The following COP1 variants were observed in gnomAD, a reference collection of about 807,000 sequenced individuals.
COP1 encodes E3 ubiquitin-protein ligase COP1.
In COP1, 24 loss-of-function variants were observed where a neutral mutation model predicts 101.3. The ratio of observed to expected loss-of-function variants is 0.24; its 90% CI spans 0.17 to 0.33. COP1 has a LOEUF of 0.33. COP1 is among the 10% of genes least tolerant of loss of function. COP1 has a pLI of 1.00. For missense variants in COP1, 663 were observed against 906.2 expected, an observed-to-expected ratio of 0.73 and a Z score of 3.45; for synonymous variants, 347 against 341.9, an observed-to-expected ratio of 1.01 and a Z score of -0.17.
intron 9 of COP1, among the ~76,000 whole-genome samples, chr1:176,093,590 A>C (rs1346320798): frequency 6.6e-6 from 1 of 152,190 alleles, no homozygotes; most frequent in Non-Finnish European, 1.5e-5. Context: ...CTGTAATCCC[A>C]GCACTTTGGG....
At chr1:175,965,940 C>G (rs566546824) in intron 18 of COP1, among the ~76,000 whole-genome samples, 1 of 152,102 alleles carries the variant, frequency 6.6e-6, no homozygotes, top group African/African-American at 2.4e-5. Flanking sequence ...TGTTTCTTTA[C>G]TTTATCCTAG....
intron 8 of COP1, among the ~76,000 whole-genome samples, chr1:176,130,237 C>A (rs1688671186): frequency 6.6e-6 from 1 of 151,604 alleles, no homozygotes; most frequent in South Asian, 2.1e-4. Context: ...TAAAAAATGT[C>A]TAAAATATTA....
intron 3 of COP1, among the ~76,000 whole-genome samples, chr1:176,165,923 T>G (rs924919089): frequency 6.6e-6 from 1 of 152,144 alleles, no homozygotes; most frequent in African/African-American, 2.4e-5. Context: ...AGTAAGTCAG[T>G]AAGAGGTCAG....
chr1:176,107,096 C>A (rs532837013), intron 9 of COP1, among the ~76,000 whole-genome samples: 2 of 152,132 alleles, frequency 1.3e-5, no homozygotes, highest in African/African-American at 4.8e-5. Context: ...TGTAATCACA[C>A]TGTTCCAGAA....
At chr1:176,040,662 A>G (rs1244418513) in intron 14 of COP1, among the ~76,000 whole-genome samples, 1 of 152,196 alleles carries the variant, frequency 6.6e-6, no homozygotes, top group Non-Finnish European at 1.5e-5. Flanking sequence ...TATAGTAGGA[A>G]TAAACAACTT....
chr1:175,979,306 T>C (rs1655267248), intron 18 of COP1, among the ~76,000 whole-genome samples: 1 of 152,130 alleles, frequency 6.6e-6, no homozygotes, highest in South Asian at 2.1e-4. Context: ...CTGGTATAAA[T>C]AAATTTTATT....
chr1:175,968,458 T>C (rs1330425289), intron 18 of COP1: 1 of 519,174 alleles, frequency 1.9e-6, no homozygotes, highest in Non-Finnish European at 3.8e-6. Flanking sequence ...GAGACCTCCA[T>C]ATATTTATGT....
At position 176,122,032 on chromosome 1, in the gene COP1, C is replaced by T. The variant is rs190606599; in HGVS notation, c.969-5351G>A. 8.7e-3 allele frequency among the ~76,000 whole-genome samples: 1,319 copies of T among 150,776 alleles called. 18 individuals carry two copies. The highest frequency in any genetic ancestry group is 0.031 in the African/African-American group (1,256 of 41,006). ...GCGGGCGCCTGTAGTCCCAGCTACT[C>T]AGGAGGCTGAGGCAGGAGAATGGTG... is the stretch of plus-strand genomic sequence containing the variant. On this transcript the variant is annotated intron_variant, in intron 8 of 19. Coordinates refer to ENST00000367669, the MANE Select transcript of COP1 (RefSeq NM_022457.7).
intron 8 of COP1, among the ~76,000 whole-genome samples, chr1:176,121,214 C>T (rs1046945812): frequency 6.6e-6 from 1 of 151,728 alleles, no homozygotes; most frequent in Non-Finnish European, 1.5e-5. Flanking sequence ...CCTGAAAATA[C>T]TAAATTTTTA....
chr1:176,129,718 GACT>G (rs1688604327), intron 8 of COP1, among the ~76,000 whole-genome samples: 1 of 151,748 alleles, frequency 6.6e-6, no homozygotes, highest in Non-Finnish European at 1.5e-5. Context: ...ACACAGAAGA[GACT>G]AATAACTCAC....
intron 18 of COP1, among the ~76,000 whole-genome samples, chr1:175,963,393 C>T (rs149860496): frequency 2.0e-5 from 3 of 152,234 alleles, no homozygotes; most frequent in Non-Finnish European, 2.9e-5. Flanking sequence ...CCCTCATCTG[C>T]GCCTTTGTTT....
At chr1:176,197,103 T>C (rs1699786239) in intron 1 of COP1, among the ~76,000 whole-genome samples, 1 of 152,098 alleles carries the variant, frequency 6.6e-6, no homozygotes, top group South Asian at 2.1e-4. Flanking sequence ...ATAATCAAGG[T>C]AAAATACAGT....
chr1:175,963,035 G>A (rs989213562), intron 18 of COP1, among the ~76,000 whole-genome samples: 15 of 151,626 alleles, frequency 9.9e-5, no homozygotes, highest in South Asian at 2.1e-4. Flanking sequence ...ACATGTGGGT[G>A]TTTTCTGTTA....
chr1:176,037,150 C>G (rs1205984547), intron 14 of COP1, among the ~76,000 whole-genome samples: 2 of 152,174 alleles, frequency 1.3e-5, no homozygotes, highest in Non-Finnish European at 2.9e-5. Context: ...AGCCTGTAAT[C>G]CCAGCACTTT....
intron 5 of COP1, among the ~76,000 whole-genome samples, chr1:176,159,155 A>G (rs1693917058): frequency 6.6e-6 from 1 of 152,208 alleles, no homozygotes; most frequent in Non-Finnish European, 1.5e-5. Flanking sequence ...CAAAATATAT[A>G]CTTGGCAAAG....
chr1:175,980,302 T>G (rs1305328731), intron 18 of COP1, among the ~76,000 whole-genome samples: 2 of 148,760 alleles, frequency 1.3e-5, no homozygotes, highest in Non-Finnish European at 3.0e-5. Flanking sequence ...AGTATATTAA[T>G]TCATTCAGCA....
intron 1 of COP1, among the ~76,000 whole-genome samples, chr1:176,205,832 ACT>A (rs1042276552): frequency 6.6e-6 from 1 of 152,178 alleles, no homozygotes; most frequent in African/African-American, 2.4e-5. Flanking sequence ...GTTCCAGTAT[ACT>A]CTGTTATCCA....
intron 15 of COP1, among the ~76,000 whole-genome samples, chr1:176,010,776 T>C (rs1375443524): frequency 6.6e-6 from 1 of 152,230 alleles, no homozygotes; most frequent in East Asian, 1.9e-4. Context: ...TTATTTTTTA[T>C]GCAGCTAAAT....
chr1:175,949,168 CAAAAAAA>C (rs56280543), intron 18 of COP1, among the ~76,000 whole-genome samples: 4,996 of 43,204 alleles, frequency 0.12, 338 homozygotes, highest in African/African-American at 0.18. Context: ...GGCTCCGTCT[CAAAAAAA>C]AAAAAAAAAA....
Sources: allele counts gnomAD v4.1 joint callset (sites outside exome capture counted in the v4.1 genomes callset), GRCh38; gene constraint gnomAD v4.1.1; transcripts MANE v1.5; gene names NCBI Gene and HGNC (gene_info 2026-07-23, HGNC 2026-07-21).